The following CDH12 variants were observed in gnomAD, a reference collection of about 807,000 sequenced individuals.
CDH12 encodes cadherin-12.
Under a neutral mutation model 74.1 loss-of-function variants are expected in CDH12, and 41 were observed. That is an observed-to-expected ratio of 0.55 (90% confidence interval 0.43 to 0.72). CDH12 has a LOEUF of 0.72. Among genes scored for constraint, CDH12 ranks in the 30% least tolerant of loss-of-function variants. CDH12 has a pLI of 0.00. For synonymous variants in CDH12, 399 were observed against 355.0 expected, an observed-to-expected ratio of 1.12 and a Z score of -1.39; for missense variants, 945 against 977.2, an observed-to-expected ratio of 0.97 and a Z score of 0.44.
At chr5:21,820,584 A>G (rs986630846) in intron 8 of CDH12, among the ~76,000 whole-genome samples, 1 of 152,014 alleles carries the variant, frequency 6.6e-6, no homozygotes, top group Non-Finnish European at 1.5e-5. Context: ...TCATTAAGAT[A>G]AGTGTTTCTT....
chr5:22,301,724 CG>C lies in CDH12; in HGVS notation c.-332-89082del, dbSNP rs565057847. Among the ~76,000 whole-genome samples, 621 of 151,872 alleles carry C rather than the reference CG, an allele frequency of 4.1e-3. 3 individuals carry two copies. The highest frequency in any genetic ancestry group is 5.1e-3 in the Non-Finnish European group (347 of 67,948). ...TTGGCTCACTGCAACCTCCATCCCA[CG>C]GGTTCAAGAGATCCTCCCACTTCAG... On this transcript the variant is annotated intron_variant, in intron 3 of 14. Coordinates refer to ENST00000382254, the MANE Select transcript of CDH12 (RefSeq NM_004061.5).
intron 3 of CDH12, among the ~76,000 whole-genome samples, chr5:22,332,862 T>C (rs1275494975): frequency 1.3e-5 from 2 of 152,176 alleles, no homozygotes; most frequent in Non-Finnish European, 2.9e-5. Flanking sequence ...TTTTACACTG[T>C]TGGTGGGAGT....
chr5:22,812,310 G>A (rs1005531403), intron 1 of CDH12, among the ~76,000 whole-genome samples: 4 of 152,058 alleles, frequency 2.6e-5, no homozygotes, highest in African/African-American at 9.7e-5. Flanking sequence ...TTTGAGGGAA[G>A]GCATAATACT....
chr5:22,170,269 C>CT (rs1439459398), intron 4 of CDH12, among the ~76,000 whole-genome samples: 1 of 151,722 alleles, frequency 6.6e-6, no homozygotes, highest in Non-Finnish European at 1.5e-5. Flanking sequence ...TGATCAAAAA[C>CT]TTTAAGTTGT....
intron 2 of CDH12, among the ~76,000 whole-genome samples, chr5:22,406,555 T>A (rs1742948524): frequency 6.6e-6 from 1 of 152,152 alleles, no homozygotes; most frequent in South Asian, 2.1e-4. Context: ...AAAAAATATA[T>A]TATTCTTTCC....
chr5:22,106,856 G>A (rs1166122663), intron 4 of CDH12, among the ~76,000 whole-genome samples: 1 of 152,278 alleles, frequency 6.6e-6, no homozygotes, highest in East Asian at 1.9e-4. Context: ...TTTACCTAGT[G>A]TAAGATGTAT....
At chr5:22,296,959 T>C (rs953339341) in intron 3 of CDH12, among the ~76,000 whole-genome samples, 1 of 150,814 alleles carries the variant, frequency 6.6e-6, no homozygotes, top group African/African-American at 2.4e-5. Flanking sequence ...AAAACAGTTA[T>C]CACACATATT....
chr5:22,455,544 A>C (rs546678289), intron 2 of CDH12, among the ~76,000 whole-genome samples: 6 of 152,348 alleles, frequency 3.9e-5, no homozygotes, highest in African/African-American at 1.4e-4. Context: ...ACAAAAGCTC[A>C]TTTGAGAACC....
At chr5:22,548,933 T>TTTTG (rs1327921336) in intron 1 of CDH12, among the ~76,000 whole-genome samples, 1 of 151,782 alleles carries the variant, frequency 6.6e-6, no homozygotes, top group Non-Finnish European at 1.5e-5. Context: ...ATCCAGGGTT[T>TTTTG]TTTGTTTGTT....
At chr5:21,884,778 G>A (rs1000503933) in intron 6 of CDH12, among the ~76,000 whole-genome samples, 3 of 152,128 alleles carry the variant, frequency 2.0e-5, no homozygotes, top group Non-Finnish European at 4.4e-5. Flanking sequence ...TTAAAAAAAA[G>A]TGATGTATTA....
At chr5:21,950,403 C>A (rs1444377887) in intron 6 of CDH12, among the ~76,000 whole-genome samples, 1 of 151,746 alleles carries the variant, frequency 6.6e-6, no homozygotes, top group Admixed American at 6.6e-5. Context: ...CATTGGAAAG[C>A]AAGAAAAAGA....
At chr5:22,051,044 T>C (rs1031614726) in intron 5 of CDH12, among the ~76,000 whole-genome samples, 1 of 152,144 alleles carries the variant, frequency 6.6e-6, no homozygotes, top group Non-Finnish European at 1.5e-5. Context: ...TCTGAAAGTC[T>C]GCTTTTTAAA....
chr5:22,849,000 A>T (rs187837262), intron 1 of CDH12, among the ~76,000 whole-genome samples: 1 of 142,710 alleles, frequency 7.0e-6, no homozygotes, highest in Admixed American at 7.0e-5. Context: ...TTTTTTTTTT[A>T]GACAAGTCAC....
intron 4 of CDH12, among the ~76,000 whole-genome samples, chr5:22,190,348 C>G (rs187337275): frequency 2.2e-5 from 2 of 92,882 alleles, no homozygotes; most frequent in African/African-American, 6.9e-5. Flanking sequence ...ATGCCTCCAT[C>G]TGTCTGTCTG....
chr5:21,840,793 T>A (rs1052931406), intron 8 of CDH12, among the ~76,000 whole-genome samples: 2 of 152,318 alleles, frequency 1.3e-5, no homozygotes, highest in African/African-American at 4.8e-5. Context: ...CTGGGAAAAC[T>A]GGCTAGCCAT....
At chr5:21,949,088 G>T (rs184938899) in intron 6 of CDH12, among the ~76,000 whole-genome samples, 2,935 of 152,114 alleles carry the variant, frequency 0.019, 103 homozygotes, top group African/African-American at 0.068. Flanking sequence ...TGTGAGAATG[G>T]ACTAATACAA....
chr5:22,551,778 G>T, intron 1 of CDH12, among the ~76,000 whole-genome samples: 1 of 145,990 alleles, frequency 6.8e-6, no homozygotes, highest in East Asian at 2.3e-4. Flanking sequence ...TAACAGCTGT[G>T]CAAAAGAGAT....
chr5:22,805,151 A>G (rs975099150), intron 1 of CDH12, among the ~76,000 whole-genome samples: 2 of 152,200 alleles, frequency 1.3e-5, no homozygotes, highest in African/African-American at 4.8e-5. Flanking sequence ...GAATCCTTGC[A>G]TATATATACT....
At chr5:22,063,157 G>C (rs1037101396) in intron 5 of CDH12, among the ~76,000 whole-genome samples, 1 of 152,116 alleles carries the variant, frequency 6.6e-6, no homozygotes, top group African/African-American at 2.4e-5. Flanking sequence ...TGCAATGAAA[G>C]TGTAACTATC....
Sources: gnomAD v4.1 joint callset for allele counts (sites outside exome capture counted in the v4.1 genomes callset) on GRCh38, gnomAD v4.1.1 for gene constraint, MANE v1.5 for transcripts, NCBI Gene and HGNC (gene_info 2026-07-23, HGNC 2026-07-21) for gene names.